Variants in FCHO2 observed in about 807,000 individuals in gnomAD.
The protein encoded by FCHO2 is FCH and mu domain containing endocytic adaptor 2, also known as F-BAR domain only protein 2.
Under a neutral mutation model 114.1 loss-of-function variants are expected in FCHO2, and 43 were observed. The observed-to-expected ratio is 0.38, with a 90% CI of 0.30 to 0.49. FCHO2 has a LOEUF of 0.49. FCHO2 is among the 20% of genes least tolerant of loss of function. The probability of loss-of-function intolerance (pLI) is 0.97; values close to 1 mark genes in which losing one functional copy is unlikely to be tolerated. For missense variants in FCHO2, 807 were observed against 950.4 expected (o/e 0.85, Z 1.98); for synonymous variants, 293 against 315.2 (o/e 0.93, Z 0.75).
In FCHO2 at chr5:72,990,712, A is replaced by C; in HGVS notation, c.343A>C (p.Thr115Pro). Residue 115 changes from threonine (T) to proline (P), a missense_variant and splice_region_variant, in exon 5 of 26, where the codon ACT becomes CCT. Coordinates refer to ENST00000430046, the MANE Select transcript of FCHO2 (RefSeq NM_138782.3). The stretch of plus-strand genomic sequence containing the variant: ...TGATGGATCATTTCATACTAAACAG[A>C]CTAAAGAAGAAGTTGCAGGAACTCT... ...GEEQVKSHKK[T>P]KEEVAGTLEA... 2 of 1,554,634 alleles carry C rather than the reference A, an allele frequency of 1.3e-6. No homozygotes were observed. The highest frequency in any genetic ancestry group is 1.7e-6 in the Non-Finnish European group (2 of 1,150,008).
rs139385655 is a variant in FCHO2, at chr5:73,029,544, A to G, written c.797-5113A>G. On this transcript the variant is annotated intron_variant, in intron 8 of 25. Transcript: ENST00000430046. ...CAAGCCTTGGGTACTGTATTCGTCC[A>G]TTCTAGTGTTGCTAAAAAGAAATAA... is the stretch of plus-strand genomic sequence containing the variant. 3.1e-3 allele frequency among the ~76,000 whole-genome samples: 476 copies of G among 152,322 alleles called. 2 individuals are homozygous for G. In the Middle Eastern group the frequency reaches 0.034, roughly 11 times the overall value.
At chr5:72,962,781 T>A (rs1351563678) in intron 1 of FCHO2, among the ~76,000 whole-genome samples, 1 of 151,894 alleles carries the variant, frequency 6.6e-6, no homozygotes, top group East Asian at 1.9e-4. Context: ...TAGTCCCAGC[T>A]ACTCAGGAGG....
chr5:73,003,364 A>G (rs1312584495), intron 5 of FCHO2, among the ~76,000 whole-genome samples: 2 of 151,930 alleles, frequency 1.3e-5, no homozygotes. Flanking sequence ...TTTTGTAGAG[A>G]CAGGGTCTCA....
At chr5:73,025,408 C>T (rs1053373882) in intron 8 of FCHO2, among the ~76,000 whole-genome samples, 15 of 135,496 alleles carry the variant, frequency 1.1e-4, no homozygotes, top group South Asian at 4.7e-4. Context: ...GATGGAGTTT[C>T]GCTCTTGTTG....
intron 22 of FCHO2, among the ~76,000 whole-genome samples, chr5:73,078,925 C>G (rs1204886917): frequency 2.6e-5 from 4 of 152,158 alleles, no homozygotes; most frequent in Non-Finnish European, 5.9e-5. Context: ...AACACAATCT[C>G]TAGTGACTTG....
chr5:73,001,237 A>T (rs1165617014), intron 5 of FCHO2, among the ~76,000 whole-genome samples: 1 of 151,962 alleles, frequency 6.6e-6, no homozygotes, highest in Non-Finnish European at 1.5e-5. Context: ...TCTCTACAAA[A>T]AGTTTTTAAA....
Position 73,088,087 on chromosome 5 carries a change from T to C in FCHO2, c.2430T>C (p.Cys810=), listed in dbSNP as rs1391076191. 1.2e-6 allele frequency: 2 copies of C among 1,613,532 alleles called. No individual in the cohort carries two copies. The highest frequency in any genetic ancestry group is 1.7e-6 in the Non-Finnish European group (2 of 1,179,726). ...TTTCAGGACGATACCTGGCGGATTG[T>C]TGATGGACCTGGGAAAGTGATGTGG... ...RFATGRYLAD[C] Residue 810 remains cysteine (C), a synonymous_variant, in exon 26 of 26, where the codon TGT becomes TGC. Transcript: ENST00000430046.
At chr5:73,048,726 A>G (rs568016398) in intron 11 of FCHO2, among the ~76,000 whole-genome samples, 1 of 152,084 alleles carries the variant, frequency 6.6e-6, no homozygotes, top group African/African-American at 2.4e-5. Context: ...AAGAGTGAAT[A>G]TATATGTAGT....
At chr5:72,997,308 G>T in intron 5 of FCHO2, 1 of 1,552,730 alleles carries the variant, frequency 6.4e-7, no homozygotes, top group Non-Finnish European at 8.9e-7. Context: ...TTTATAGCAA[G>T]CATGGAGATC....
intron 5 of FCHO2, 102 bp downstream of exon 5, chr5:72,990,966 A>T (rs1753779131): frequency 1.5e-6 from 2 of 1,307,516 alleles, no homozygotes; most frequent in African/African-American, 1.5e-5. Flanking sequence ...CATTTTAAAG[A>T]TGAAGACACT....
In FCHO2 at chr5:73,052,448, G is replaced by C. The variant is rs546936724; in HGVS notation, c.1114G>C (p.Ala372Pro). 1 of 1,599,674 alleles carries C rather than the reference G, an allele frequency of 6.3e-7. No individual in the cohort carries two copies. The highest frequency in any genetic ancestry group is 1.1e-5 in the South Asian group (1 of 88,290). ...MHPNNSHHTM[A>P]SLDELKVSIG... ...TCCAAATAACTCACATCACACAATG[G>C]CTTCTTTGGATGAATTAAAAGTATC... The change falls in exon 13 of 26, where the codon GCT becomes CCT. Residue 372 changes from alanine to proline, a missense_variant. By Grantham distance (27) the Ala-to-Pro change is conservative (BLOSUM62 -1). Transcript: ENST00000430046.
At chr5:73,022,002 T>G (rs1461030419) in intron 8 of FCHO2, among the ~76,000 whole-genome samples, 1 of 152,146 alleles carries the variant, frequency 6.6e-6, no homozygotes, top group Non-Finnish European at 1.5e-5. Flanking sequence ...TGTTCAGAGG[T>G]AATGTTGAGA....
At chr5:73,007,218 A>G (rs1266230144) in intron 6 of FCHO2, among the ~76,000 whole-genome samples, 1 of 152,176 alleles carries the variant, frequency 6.6e-6, no homozygotes, top group Non-Finnish European at 1.5e-5. Context: ...GTGGCTTACA[A>G]TATCAAGGGT....
At chr5:73,064,420 G>C (rs1467817221) in intron 18 of FCHO2, among the ~76,000 whole-genome samples, 2 of 152,018 alleles carry the variant, frequency 1.3e-5, no homozygotes, top group Non-Finnish European at 2.9e-5. Flanking sequence ...GAAAAGCATT[G>C]GTTTTTAAAA....
At chr5:72,971,046 C>T (rs1406924024) in intron 2 of FCHO2, among the ~76,000 whole-genome samples, 1 of 152,118 alleles carries the variant, frequency 6.6e-6, no homozygotes, top group African/African-American at 2.4e-5. Context: ...TTTTTTATGG[C>T]TGCATAGTAT....
intron 2 of FCHO2, among the ~76,000 whole-genome samples, chr5:72,972,179 T>C (rs1752595191): frequency 6.6e-6 from 1 of 152,066 alleles, no homozygotes; most frequent in African/African-American, 2.4e-5. Flanking sequence ...GACTTGGCGA[T>C]GCGGGCTCTT....
At chr5:72,983,102 C>T (rs951622868) in intron 2 of FCHO2, among the ~76,000 whole-genome samples, 18 of 151,860 alleles carry the variant, frequency 1.2e-4, no homozygotes, top group Non-Finnish European at 2.5e-4. Flanking sequence ...TTAGTAGAGA[C>T]GGGGTTTCAT....
chr5:73,059,204 C>G (rs1021448733), intron 17 of FCHO2, among the ~76,000 whole-genome samples: 30 of 152,266 alleles, frequency 2.0e-4, no homozygotes, highest in African/African-American at 6.7e-4. Context: ...ACCCTCTTCT[C>G]TGGGACTTCA....
intron 19 of FCHO2, among the ~76,000 whole-genome samples, chr5:73,071,778 A>G (rs547597250): frequency 3.9e-5 from 6 of 152,164 alleles, no homozygotes; most frequent in East Asian, 1.9e-4. Flanking sequence ...GAATATGCCA[A>G]CTGTTAAGTG....
Sources: gnomAD v4.1 joint callset for allele counts (sites outside exome capture counted in the v4.1 genomes callset) on GRCh38, gnomAD v4.1.1 for gene constraint, MANE v1.5 for transcripts, NCBI Gene and HGNC (gene_info 2026-07-23, HGNC 2026-07-21) for gene names.